Variants in FSIP2 observed in about 807,000 individuals in gnomAD.
FSIP2 encodes fibrous sheath-interacting protein 2.
A neutral mutation model predicts 510.5 loss-of-function variants in FSIP2; 367 were observed. That is an observed-to-expected ratio of 0.72 (90% CI 0.66 to 0.78). FSIP2 has a LOEUF of 0.78. Ranked by LOEUF, FSIP2 falls within the 30% of genes least tolerant of loss-of-function variation. FSIP2 has a pLI of 0.00. For missense variants in FSIP2, 7,594 were observed against 7,901.7 expected (o/e 0.96, Z 1.48); for synonymous variants, 2,601 against 2,732.2 (o/e 0.95, Z 1.50).
intron 13 of FSIP2, among the ~76,000 whole-genome samples, chr2:185,780,124 G>GTAAT (rs996491175): frequency 1.5e-4 from 23 of 151,550 alleles, no homozygotes; most frequent in Non-Finnish European, 2.9e-4. Flanking sequence ...ATTCTATGAT[G>GTAAT]TAATTATTCC....
At chr2:185,798,356 C>G (rs947443316) in intron 16 of FSIP2, among the ~76,000 whole-genome samples, 1 of 151,726 alleles carries the variant, frequency 6.6e-6, no homozygotes, top group African/African-American at 2.4e-5. Context: ...TATAATACTC[C>G]AACTGTATCA....
chr2:185,802,162 C>G lies in FSIP2; in HGVS notation c.12856C>G (p.Leu4286Val). ...AGTGTCTACTATTGTTACACAGGTT[C>G]TGAGTGAAGTGATAGAGTCACACAG... ...DPVSTIVTQV[L>V]SEVIESHRPQ... Residue 4286 changes from leucine (L) to valine (V), a missense_variant, in exon 17 of 23, where the codon CTG (leucine) becomes GTG (valine). Leu to Val is a conservative substitution (Grantham distance 32, BLOSUM62 1). Transcript: ENST00000424728. 3 of 1,533,178 alleles carry G rather than the reference C, an allele frequency of 2.0e-6. No individual in the cohort carries two copies. The highest frequency in any genetic ancestry group is 2.6e-6 in the Non-Finnish European group (3 of 1,145,014). The allele number at this position is 1,533,178 out of a possible 1,614,324, so 95.0% of individuals were successfully genotyped here. A position where few individuals can be genotyped will look rare whatever the true frequency, so the allele number is the denominator to read the frequency against.
At position 185,789,115 on chromosome 2, in the gene FSIP2, C is replaced by T; in HGVS notation, c.1979C>T (p.Ser660Phe). The change falls in exon 16 of 23, where the codon TCT (serine) becomes TTT (phenylalanine). Residue 660 changes from serine (S) to phenylalanine (F), a missense_variant. Ser to Phe is a radical substitution (Grantham distance 155, BLOSUM62 -2). Coordinates refer to ENST00000424728, the MANE Select transcript of FSIP2 (RefSeq NM_173651.4). The part of the protein sequence containing the change: ...LASFETGTKK[S>F]KDATTETDSL... ...TCATTTGAAACAGGCACAAAAAAAT[C>T]TAAGGATGCTACCACTGAAACAGAT... 2 of 1,535,050 alleles carry T rather than the reference C, an allele frequency of 1.3e-6. No individual in the cohort carries two copies. Among genetic ancestry groups the T allele is most frequent in the East Asian group, 4.9e-5 (2 of 40,860 alleles).
At chr2:185,745,784 G>C (rs1343026126) in intron 5 of FSIP2, among the ~76,000 whole-genome samples, 1 of 152,008 alleles carries the variant, frequency 6.6e-6, no homozygotes, top group African/African-American at 2.4e-5. Flanking sequence ...ACTGGTTATT[G>C]AAAGAAAAAT....
rs1693258226 is a variant in FSIP2 at position 185,795,845 on chromosome 2, T to G, written c.8709T>G (p.Ser2903=). The change falls in exon 16 of 23, where the codon TCT becomes TCG. Residue 2903 remains serine, a synonymous_variant. Coordinates refer to ENST00000424728, the MANE Select transcript of FSIP2 (RefSeq NM_173651.4). ...TTTATAATCATTTTAAAGGAGCTTCTACTAGAGCCGAGGATACTAAAGCAC... is the reference window on the plus strand; with the variant it reads ...TTTATAATCATTTTAAAGGAGCTTCGACTAGAGCCGAGGATACTAAAGCAC... ...SRFYNHFKGA[S]TRAEDTKAQI... is the part of the protein sequence containing the mutation. 1.3e-6 allele frequency: 2 copies of G among 1,532,520 alleles called. No individual in the cohort carries two copies. Among genetic ancestry groups the G allele is most frequent in the South Asian group, 2.4e-5 (2 of 83,260 alleles). 94.9% of individuals were successfully genotyped at this position (1,532,520 alleles called of 1,614,324 possible).
chr2:185,814,178 A>C, intron 18 of FSIP2, 136 bp downstream of exon 18: 1 of 874,770 alleles, frequency 1.1e-6, no homozygotes, highest in South Asian at 2.0e-5. Context: ...TTTACAGGAT[A>C]AGGGAAATTA....
rs1449403410 is a variant in FSIP2, at chr2:185,803,276, A to C, written c.13970A>C (p.Lys4657Thr). The C allele has an allele frequency of 1.3e-6, 2 of 1,526,902 alleles. No homozygotes were observed. The highest frequency in any genetic ancestry group is 4.0e-5 in the Admixed American group (2 of 49,624). The allele number at this position is 1,526,902 out of a possible 1,614,324, so 94.6% of individuals were successfully genotyped here. A position where few individuals can be genotyped will look rare whatever the true frequency, so the allele number is the denominator to read the frequency against. ...IRDSEDELFE[K>T]AEELIHLITG... Reference sequence around the variant, plus strand: ...GATTCAGAAGATGAACTGTTTGAGAAAGCTGAAGAACTCATACATTTGATT... The same window carrying C: ...GATTCAGAAGATGAACTGTTTGAGACAGCTGAAGAACTCATACATTTGATT... The change falls in exon 17 of 23, where the codon AAA (lysine) becomes ACA (threonine). Residue 4657 changes from lysine to threonine, a missense_variant. Physicochemically the swap from Lys to Thr is moderately conservative, Grantham distance 78. Coordinates refer to ENST00000424728, the MANE Select transcript of FSIP2 (RefSeq NM_173651.4).
intron 13 of FSIP2, among the ~76,000 whole-genome samples, chr2:185,776,943 C>T (rs1405254374): frequency 6.6e-6 from 1 of 152,056 alleles, no homozygotes; most frequent in Non-Finnish European, 1.5e-5. Context: ...AGGCTGGTCT[C>T]GGACTCCTCA....
intron 13 of FSIP2, among the ~76,000 whole-genome samples, chr2:185,781,092 TGTAG>T: frequency 6.8e-6 from 1 of 145,990 alleles, no homozygotes; most frequent in Non-Finnish European, 1.5e-5. Context: ...TAATTGAAGA[TGTAG>T]CTCATTGGGA....
At chr2:185,809,778 C>A (rs1309912000) in intron 17 of FSIP2, among the ~76,000 whole-genome samples, 2 of 151,972 alleles carry the variant, frequency 1.3e-5, no homozygotes, top group Non-Finnish European at 2.9e-5. Context: ...AGTATTGCTG[C>A]TATTTTTATG....
rs1157425691 is a variant in FSIP2, at chr2:185,790,039, C to T, written c.2903C>T (p.Thr968Ile). 1 of 1,533,344 alleles carries T rather than the reference C, an allele frequency of 6.5e-7. No individual in the cohort carries two copies. Among genetic ancestry groups the T allele is most frequent in the Admixed American group, 2.0e-5 (1 of 50,748 alleles). 95.0% of individuals were successfully genotyped at this position (1,533,344 alleles called of 1,614,324 possible). The change falls in exon 16 of 23, where the codon ACC becomes ATC. Residue 968 changes from threonine to isoleucine, a missense_variant. Coordinates refer to ENST00000424728, the MANE Select transcript of FSIP2 (RefSeq NM_173651.4). ...CCTAGAATAAGTAGTCCTTCTGACA[C>T]CAAAGAAAAGTACAGACTCACTGGC... ...RQPRISSPSD[T>I]KEKYRLTGTR...
intron 19 of FSIP2, among the ~76,000 whole-genome samples, chr2:185,822,240 AAG>A (rs1347808619): frequency 7.9e-5 from 12 of 151,940 alleles, no homozygotes; most frequent in Non-Finnish European, 1.8e-4. Flanking sequence ...AGGCAAGAAA[AAG>A]GGGGAAAGGC....
chr2:185,774,879 A>G (rs13010517), intron 13 of FSIP2, among the ~76,000 whole-genome samples: 11,647 of 63,738 alleles, frequency 0.18, 3,035 homozygotes, highest in African/African-American at 0.22. Context: ...ATGATTTCCA[A>G]TTTCATCCAT....
chr2:185,803,657 T>C lies in FSIP2; in HGVS notation c.14351T>C (p.Met4784Thr). ...KSRFQRQAST[M>T]YTTMLSHSHL... ...AGATTCCAAAGACAAGCTTCAACAA[T>C]GTATACCACTATGTTATCACATAGT... Residue 4784 changes from methionine to threonine, a missense_variant, in exon 17 of 23, where the codon ATG (methionine) becomes ACG (threonine). Coordinates refer to ENST00000424728, the MANE Select transcript of FSIP2 (RefSeq NM_173651.4). 6.5e-7 allele frequency: 1 copy of C among 1,530,000 alleles called. No individual in the cohort carries two copies. The highest frequency in any genetic ancestry group is 1.2e-5 in the South Asian group (1 of 83,366). The allele number at this position is 1,530,000 out of a possible 1,614,324, so 94.8% of individuals were successfully genotyped here.
chr2:185,778,716 A>G (rs1425363592), intron 13 of FSIP2, among the ~76,000 whole-genome samples: 1 of 151,968 alleles, frequency 6.6e-6, no homozygotes, highest in Non-Finnish European at 1.5e-5. Context: ...AATATTGCTC[A>G]ATTTGGGATG....
chr2:185,801,601 C>T lies in FSIP2; in HGVS notation c.12295C>T (p.His4099Tyr), dbSNP rs1693436578. ...DYKLPSCFKE[H>Y]LIPHSYYPLK... ...CAAACTGCCATCTTGCTTCAAGGAA[C>T]ATCTCATACCCCATTCATATTACCC... The change falls in exon 17 of 23, where the codon CAT becomes TAT. Residue 4099 changes from histidine (H) to tyrosine (Y), a missense_variant. Physicochemically the swap from His to Tyr is moderately conservative, Grantham distance 83. Transcript: ENST00000424728. 6.5e-7 allele frequency: 1 copy of T among 1,533,610 alleles called. No individual in the cohort carries two copies.
At chr2:185,787,680 T>A (rs1488512201) in intron 15 of FSIP2, among the ~76,000 whole-genome samples, 1 of 151,772 alleles carries the variant, frequency 6.6e-6, no homozygotes, top group East Asian at 1.9e-4. Context: ...ATTCTACAGA[T>A]GCATTTATTT....
intron 7 of FSIP2, 63 bp from the exon 8 acceptor site, chr2:185,753,659 A>C: frequency 1.4e-6 from 1 of 721,340 alleles, no homozygotes; most frequent in Non-Finnish European, 2.1e-6. Context: ...ATTTTAAATG[A>C]TTTGTTTTAC....
At chr2:185,778,075 C>CT (rs1315739042) in intron 13 of FSIP2, among the ~76,000 whole-genome samples, 4 of 151,976 alleles carry the variant, frequency 2.6e-5, no homozygotes, top group Admixed American at 6.6e-5. Flanking sequence ...CAAGTAACTG[C>CT]TTTTTTTATA....
Sources: allele counts gnomAD v4.1 joint callset (sites outside exome capture counted in the v4.1 genomes callset), GRCh38; gene constraint gnomAD v4.1.1; transcripts MANE v1.5; gene names NCBI Gene and HGNC (gene_info 2026-07-23, HGNC 2026-07-21).